SORBS2: variants seen among roughly 807,000 people sequenced by gnomAD.
SORBS2 encodes sorbin and SH3 domain-containing protein 2.
SORBS2 carries 46 observed loss-of-function variants against 97.7 expected under a neutral mutation model. The ratio of observed to expected loss-of-function variants is 0.47; its 90% CI spans 0.37 to 0.60. SORBS2 has a LOEUF of 0.60. Ranked by LOEUF, SORBS2 falls within the 20% of genes least tolerant of loss-of-function variation. The pLI, the probability that SORBS2 is intolerant of heterozygous loss-of-function variation, is 0.00. For synonymous variants in SORBS2, 476 were observed against 473.4 expected (o/e 1.01, Z -0.07); for missense variants, 1,316 against 1,282.3 (o/e 1.03, Z -0.40).
chr4:185,800,633 A>G (rs1466467098), intron 1 of SORBS2, among the ~76,000 whole-genome samples: 1 of 152,050 alleles, frequency 6.6e-6, no homozygotes, highest in African/African-American at 2.4e-5. Context: ...AGGGCTGTGC[A>G]TGGGCTTAGC....
At chr4:185,789,196 C>G (rs375033064) in intron 1 of SORBS2, among the ~76,000 whole-genome samples, 4 of 152,158 alleles carry the variant, frequency 2.6e-5, no homozygotes, top group Non-Finnish European at 5.9e-5. Flanking sequence ...TCTTAACACT[C>G]AAAAGTCAGC....
intron 4 of SORBS2, 104 bp from the exon 15 acceptor site, chr4:185,638,266 T>G: frequency 1.3e-6 from 1 of 751,124 alleles, no homozygotes; most frequent in Admixed American, 1.8e-5. Flanking sequence ...CACGCAAACA[T>G]GCATCAACTC....
chr4:185,846,765 TTTC>T (rs1438234509), intron 1 of SORBS2, among the ~76,000 whole-genome samples: 1 of 152,208 alleles, frequency 6.6e-6, no homozygotes, highest in Non-Finnish European at 1.5e-5. Context: ...TAAACTGTTA[TTTC>T]TTTCCCCCTA....
chr4:185,726,371 T>C (rs2098554372), intron 2 of SORBS2, among the ~76,000 whole-genome samples: 2 of 152,196 alleles, frequency 1.3e-5, no homozygotes, highest in Admixed American at 1.3e-4. Context: ...TATTCACATC[T>C]GTGTCTTTCA....
chr4:185,753,873 A>C (rs2098815282), intron 2 of SORBS2, among the ~76,000 whole-genome samples: 1 of 152,220 alleles, frequency 6.6e-6, no homozygotes, highest in Admixed American at 6.5e-5. Flanking sequence ...TAGGTCAACC[A>C]TTGTGGAAAG....
Position 185,704,691 on chromosome 4 carries a change from TTCC to T in SORBS2, c.-197-25872_-197-25870del, listed in dbSNP as rs1313359367. On this transcript the variant is annotated intron_variant, in intron 2 of 20. Transcript: ENST00000284776. ...TCTACTCCACAAATTACCCTGGATG[TTCC>T]CTCTCCCTCAACTCTCCATGTTTTG... Among the ~76,000 whole-genome samples the T allele has an allele frequency of 1.5e-3, 222 of 152,098 alleles. 2 individuals carry two copies. The highest frequency in any genetic ancestry group is 5.1e-3 in the African/African-American group (211 of 41,364).
chr4:185,703,766 T>C (rs1295845953), intron 2 of SORBS2, among the ~76,000 whole-genome samples: 1 of 152,250 alleles, frequency 6.6e-6, no homozygotes, highest in Non-Finnish European at 1.5e-5. Flanking sequence ...AATTTGGATG[T>C]TTACTTTACA....
chr4:185,860,663 G>A (rs574020082), intron 1 of SORBS2, among the ~76,000 whole-genome samples: 1 of 152,160 alleles, frequency 6.6e-6, no homozygotes, highest in African/African-American at 2.4e-5. Flanking sequence ...TACATTTTAG[G>A]GAGACATAAG....
chr4:185,826,541 A>T (rs1264746610), intron 1 of SORBS2, among the ~76,000 whole-genome samples: 1 of 152,218 alleles, frequency 6.6e-6, no homozygotes, highest in East Asian at 1.9e-4. Flanking sequence ...AGGATATGCG[A>T]ATGTACTGCA....
At chr4:185,680,878 C>T (rs925035956) in intron 2 of SORBS2, among the ~76,000 whole-genome samples, 37 of 152,176 alleles carry the variant, frequency 2.4e-4, no homozygotes, top group African/African-American at 8.2e-4. Context: ...CCCCAGGAGA[C>T]GGTAAGTGTG....
At chr4:185,704,539 G>A (rs903294973) in intron 2 of SORBS2, among the ~76,000 whole-genome samples, 2 of 152,102 alleles carry the variant, frequency 1.3e-5, no homozygotes, top group Non-Finnish European at 2.9e-5. Flanking sequence ...GGCTAGTCTC[G>A]AGTTCCTGAC....
At position 185,753,115 on chromosome 4, in the gene SORBS2, T is replaced by A. The variant is rs143083281; in HGVS notation, c.-198+22112A>T. Reference sequence around the variant, plus strand: ...GCACGTTAGCCATAAACAATTTCCATCTGAGGAAGTGCATTCAGTGCAGCT... The same window carrying A: ...GCACGTTAGCCATAAACAATTTCCAACTGAGGAAGTGCATTCAGTGCAGCT... On this transcript the variant is annotated intron_variant, in intron 2 of 20. Coordinates refer to the SORBS2 transcript ENST00000284776. Among the ~76,000 whole-genome samples the A allele has an allele frequency of 2.1e-4, 32 of 152,356 alleles. No homozygotes were observed. The East Asian group carries it at 5.8e-3, about 28-fold the overall frequency.
At chr4:185,615,711 A>G (rs1561427977) in intron 9 of SORBS2, among the ~76,000 whole-genome samples, 1 of 152,202 alleles carries the variant, frequency 6.6e-6, no homozygotes, top group Non-Finnish European at 1.5e-5. Context: ...TTGATAAGGA[A>G]TTTATTTTGT....
chr4:185,587,796 G>T, intron 14 of SORBS2, 108 bp from the exon 27 acceptor site: 1 of 857,678 alleles, frequency 1.2e-6, no homozygotes, highest in Non-Finnish European at 1.9e-6. Context: ...CAAGCCCCGA[G>T]GGGTTTGGAA....
intron 14 of SORBS2, among the ~76,000 whole-genome samples, chr4:185,588,890 C>T (rs1561254643): frequency 6.6e-6 from 1 of 152,128 alleles, no homozygotes; most frequent in South Asian, 2.1e-4. Context: ...GCTAGAATTA[C>T]AGGCATGAGC....
chr4:185,776,416 C>T (rs1011760883), intron 1 of SORBS2, among the ~76,000 whole-genome samples: 2 of 152,114 alleles, frequency 1.3e-5, no homozygotes, highest in African/African-American at 4.8e-5. Context: ...TTTACACCAC[C>T]ACCAGGGAGG....
At chr4:185,660,620 C>G (rs2153473420), upstream of SORBS2, among the ~76,000 whole-genome samples, 1 of 152,324 alleles carries the variant, frequency 6.6e-6, no homozygotes, top group East Asian at 1.9e-4. Flanking sequence ...CATGCACATG[C>G]TGGATGGTGA....
At chr4:185,756,969 C>A in intron 2 of SORBS2, 1 of 1,455,968 alleles carries the variant, frequency 6.9e-7, no homozygotes, top group Non-Finnish European at 9.6e-7. Flanking sequence ...CATTAATTCA[C>A]CCGCTCGCTC....
chr4:185,794,720 G>A (rs2099096967), intron 1 of SORBS2, among the ~76,000 whole-genome samples: 1 of 152,076 alleles, frequency 6.6e-6, no homozygotes, highest in Non-Finnish European at 1.5e-5. Flanking sequence ...TTTCTAGCAG[G>A]CTGGGGACTC....
Sources: gnomAD v4.1 joint callset for allele counts (sites outside exome capture counted in the v4.1 genomes callset) on GRCh38, gnomAD v4.1.1 for gene constraint, MANE v1.5 for transcripts, NCBI Gene and HGNC (gene_info 2026-07-23, HGNC 2026-07-21) for gene names.